Variants in CITED2 observed in about 807,000 individuals in gnomAD.
The protein encoded by CITED2 is cbp/p300-interacting transactivator 2.
CITED2 carries 2 observed loss-of-function variants against 11.8 expected under a neutral mutation model. The observed-to-expected ratio is 0.17, with a 90% CI of 0.07 to 0.54. The LOEUF (loss-of-function observed/expected upper bound fraction) is 0.54. Ranked by LOEUF, CITED2 falls within the 20% of genes least tolerant of loss-of-function variation. The probability of loss-of-function intolerance (pLI) is 0.94; values close to 1 mark genes in which losing one functional copy is unlikely to be tolerated. For synonymous variants in CITED2, 210 were observed against 153.0 expected (o/e 1.37, Z -2.75); for missense variants, 437 against 390.2 (o/e 1.12, Z -1.01).
At position 139,373,485 on chromosome 6, in the gene CITED2, G is replaced by C. The variant is rs2114777801; in HGVS notation, c.460C>G (p.Arg154Gly). 6.2e-7 allele frequency: 1 copy of C among 1,606,920 alleles called. No homozygotes were observed. Among genetic ancestry groups the C allele is most frequent in the Non-Finnish European group, 8.5e-7 (1 of 1,175,734 alleles). The change falls in exon 2 of 2, where the codon CGA becomes GGA. Residue 154 changes from arginine to glycine, a missense_variant. Physicochemically the swap from Arg to Gly is moderately radical, Grantham distance 125. This residue lies in a region of CITED2 where 396 missense variants were observed against 325.2 expected (regional missense o/e 1.22). Transcript: ENST00000367651. ...HQMNGTNQHFRDCNPKHSGGS... is the reference protein window; with the variant it reads ...HQMNGTNQHFGDCNPKHSGGS... ...CCGCTGTGCTTGGGGTTGCAATCTC[G>C]GAAGTGCTGGTTTGTCCCGTTCATC...
At chr6:139,373,995 G>A (rs758182985) in intron 1 of CITED2, 43 bp from the exon 2 acceptor site, 2 of 1,563,658 alleles carry the variant, frequency 1.3e-6, no homozygotes, top group Non-Finnish European at 1.7e-6. Context: ...CGCCACACGT[G>A]TCGCCCACCA....
Position 139,373,062 on chromosome 6 carries a change from G to A in CITED2, c.*70C>T. 7.3e-7 allele frequency: 1 copy of A among 1,364,902 alleles called. No homozygotes were observed. Among genetic ancestry groups the A allele is most frequent in the Non-Finnish European group, 1.0e-6 (1 of 954,094 alleles). The allele number at this position is 1,364,902 out of a possible 1,614,324, so 84.5% of individuals were successfully genotyped here. ...CTGAAAAGTGAGATACTGTGTCTAA[G>A]GGAATGTTTCTTTTAATTCACGCCG... On this transcript the variant is annotated 3_prime_UTR_variant, in exon 2 of 2. Transcript: ENST00000367651.
In CITED2 at chr6:139,373,636, C is replaced by A. The variant is rs778074376; in HGVS notation, c.309G>T (p.Val103=). ...CCGGCAGGGAGCCTCCCTGGCTGGC[C>A]ACCGGGGGACCCATGAACTGGGAGT... is the stretch of plus-strand genomic sequence containing the variant. ...FNNSQFMGPP[V]ASQGGSLPAS... is the part of the protein sequence containing the mutation. Residue 103 remains valine, a synonymous_variant, in exon 2 of 2, where the codon GTG becomes GTT. Coordinates refer to ENST00000367651, the MANE Select transcript of CITED2 (RefSeq NM_006079.5). 1 of 1,613,842 alleles carries A rather than the reference C, an allele frequency of 6.2e-7. No individual in the cohort carries two copies.
rs1562314633 is a variant in CITED2 at position 139,373,524 on chromosome 6, C to T, written c.421G>A (p.Ala141Thr). The T allele has an allele frequency of 1.5e-5, 25 of 1,613,806 alleles. No individual in the cohort carries two copies. The highest frequency in any genetic ancestry group is 1.6e-4 in the Middle Eastern group (1 of 6,062). ...GTCCCGTTCATCTGGTGGCCTGCAG[C>T]AGGGTGCAAATCCGGCATGTAGTGG... ...HNHYMPDLHP[A>T]AGHQMNGTNQ... Residue 141 changes from alanine (A) to threonine (T), a missense_variant, in exon 2 of 2, where the codon GCT becomes ACT. By Grantham distance (58) the Ala-to-Thr change is moderately conservative. Around this residue, in one of 3 missense-constraint regions of CITED2, gnomAD observed 396 missense variants for 325.2 expected, o/e 1.22. Coordinates refer to ENST00000367651, the MANE Select transcript of CITED2 (RefSeq NM_006079.5).
rs935181271 is a variant in CITED2, at chr6:139,373,380, T to A, written c.565A>T (p.Ser189Cys). Residue 189 changes from serine (S) to cysteine (C), a missense_variant, in exon 2 of 2, where the codon AGC becomes TGC. This residue lies in a region of CITED2 where 396 missense variants were observed against 325.2 expected (regional missense o/e 1.22). Coordinates refer to ENST00000367651, the MANE Select transcript of CITED2 (RefSeq NM_006079.5). ...SGSSSGGGAGSSNSGGGSGSG... is the reference protein window; with the variant it reads ...SGSSSGGGAGCSNSGGGSGSG... The stretch of plus-strand genomic sequence containing the variant: ...CCGCTGCCGCCGCCGCTGTTGCTGC[T>A]GCCCGCGCCGCCGCCCGAGCTGCTG... 6.3e-7 allele frequency: 1 copy of A among 1,578,238 alleles called. No homozygotes were observed. The highest frequency in any genetic ancestry group is 8.6e-7 in the Non-Finnish European group (1 of 1,164,538).
rs749688747 is a variant in CITED2, at chr6:139,373,344, T to TGTTGCC, written c.595_600dup (p.Gly199_Asn200dup). 1.1e-5 allele frequency: 17 copies of TGTTGCC among 1,598,892 alleles called. No individual in the cohort carries two copies. The Admixed American group carries it at 1.4e-4, about 13-fold the overall frequency. ...GGGACGTGGGCCACGGAGGCGGGCA[T>TGTTGCC]GTTGCCGCTGCCGCTGCCGCCGCCG... On this transcript the variant is annotated inframe_insertion, in exon 2 of 2. Transcript: ENST00000367651.
Position 139,373,841 on chromosome 6 carries a change from C to G in CITED2, c.104G>C (p.Ser35Thr), listed in dbSNP as rs1778316080. 4 of 1,605,880 alleles carry G rather than the reference C, an allele frequency of 2.5e-6. No individual in the cohort carries two copies. The highest frequency in any genetic ancestry group is 3.4e-6 in the Non-Finnish European group (4 of 1,179,964). ...CTGCTGCTGCTGGTGGTGATGGGGGCTCGGGAACTGCCCCATGCCCATGCG... is the reference window on the plus strand; with the variant it reads ...CTGCTGCTGCTGGTGGTGATGGGGGGTCGGGAACTGCCCCATGCCCATGCG... ...AHRMGMGQFP[S>T]PHHHQQQQPQ... is the part of the protein sequence containing the mutation. The change falls in exon 2 of 2, where the codon AGC becomes ACC. Residue 35 changes from serine to threonine, a missense_variant. Physicochemically the swap from Ser to Thr is moderately conservative, Grantham distance 58 (BLOSUM62 1). Transcript: ENST00000367651.
rs1778280816 is a variant in CITED2, at chr6:139,372,968, T to A, written c.*164A>T. Reference sequence around the variant, plus strand: ...AAACAGGAAAAAAAAGTGGCAGCAATTTTTTTTAAAACCAATTTGTACAAG... The same window carrying A: ...AAACAGGAAAAAAAAGTGGCAGCAAATTTTTTTAAAACCAATTTGTACAAG... On this transcript the variant is annotated 3_prime_UTR_variant, in exon 2 of 2. Transcript: ENST00000367651. The A allele has an allele frequency of 2.7e-6, 2 of 746,892 alleles. No individual in the cohort carries two copies. Among genetic ancestry groups the A allele is most frequent in the Non-Finnish European group, 4.5e-6 (2 of 445,458 alleles). 46.3% of individuals were successfully genotyped at this position (746,892 alleles called of 1,614,324 possible).
In CITED2 at chr6:139,374,011, C is replaced by A. The variant is rs1778323864; in HGVS notation, c.-8-59G>T. Reference sequence around the variant, plus strand: ...GCCACACGTGTCGCCCACCACAGCGCACCCCACTTTTGCTCGCCTCTGCCC... The same window carrying A: ...GCCACACGTGTCGCCCACCACAGCGAACCCCACTTTTGCTCGCCTCTGCCC... On this transcript the variant is annotated intron_variant, in intron 1 of 1. Transcript: ENST00000367651. The A allele has an allele frequency of 2.6e-6, 4 of 1,542,896 alleles. No individual in the cohort carries two copies. In the South Asian group the frequency reaches 4.7e-5, roughly 18 times the overall value.
In CITED2 at chr6:139,371,979, A is replaced by G. The variant is rs1778249527; in HGVS notation, c.*1153T>C. On this transcript the variant is annotated 3_prime_UTR_variant, in exon 2 of 2. Transcript: ENST00000367651. Reference sequence around the variant, plus strand: ...GCAAACCTTTCTAACTCTGGAGTACACTTGATATGATGGCAATTAAGAAAA... The same window carrying G: ...GCAAACCTTTCTAACTCTGGAGTACGCTTGATATGATGGCAATTAAGAAAA... 6.6e-6 allele frequency: 1 copy of G among 151,850 alleles called. No homozygotes were observed. The highest frequency in any genetic ancestry group is 1.5e-5 in the Non-Finnish European group (1 of 67,978). 9.4% of individuals were successfully genotyped at this position (151,850 alleles called of 1,614,324 possible). A position where few individuals can be genotyped will look rare whatever the true frequency, so the allele number is the denominator to read the frequency against.
rs768526213 is a variant in CITED2, at chr6:139,373,658, G to A, written c.287C>T (p.Ser96Phe). Residue 96 changes from serine to phenylalanine, a missense_variant, in exon 2 of 2, where the codon TCC becomes TTC. Transcript: ENST00000367651. ...GGCCACCGGGGGACCCATGAACTGG[G>A]AGTTGTTAAACCTGGCCGCGGGGGC... ...ALAPAARFNN[S>F]QFMGPPVASQ... is the part of the protein sequence containing the mutation. 1.9e-6 allele frequency: 3 copies of A among 1,613,492 alleles called. No homozygotes were observed. Among genetic ancestry groups the A allele is most frequent in the Admixed American group, 3.3e-5 (2 of 60,016 alleles).
chr6:139,373,414 G>A lies in CITED2; in HGVS notation c.531C>T (p.Gly177=), dbSNP rs552604669. The change falls in exon 2 of 2, where the codon GGC becomes GGT. Residue 177 remains glycine, a synonymous_variant. Coordinates refer to ENST00000367651, the MANE Select transcript of CITED2 (RefSeq NM_006079.5). The part of the protein sequence containing the change: ...PGGSGGSSTP[G]GSGSSSGGGA... The stretch of plus-strand genomic sequence containing the variant: ...CGCCGCCCGAGCTGCTGCCAGAGCC[G>A]CCGGGGGTGCTGCTGCCGCCCGAGC... 7 of 1,539,254 alleles carry A rather than the reference G, an allele frequency of 4.5e-6. No homozygotes were observed. In the African/African-American group the frequency reaches 7.1e-5, roughly 16 times the overall value.
In CITED2 at chr6:139,373,374, T is replaced by C. The variant is rs1323551506; in HGVS notation, c.571A>G (p.Asn191Asp). 6.3e-7 allele frequency: 1 copy of C among 1,587,914 alleles called. No homozygotes were observed. Among genetic ancestry groups the C allele is most frequent in the African/African-American group, 1.4e-5 (1 of 72,728 alleles). ...SSSGGGAGSS[N>D]SGGGSGSGNM... is the part of the protein sequence containing the mutation. ...CCGCTGCCGCTGCCGCCGCCGCTGT[T>C]GCTGCTGCCCGCGCCGCCGCCCGAG... The change falls in exon 2 of 2, where the codon AAC becomes GAC. Residue 191 changes from asparagine to aspartate, a missense_variant. By Grantham distance (23) the Asn-to-Asp change is conservative. Transcript: ENST00000367651.
chr6:139,373,740 T>G lies in CITED2; in HGVS notation c.205A>C (p.Ile69Leu), dbSNP rs768418241. 2 of 1,611,034 alleles carry G rather than the reference T, an allele frequency of 1.2e-6. No individual in the cohort carries two copies. The highest frequency in any genetic ancestry group is 2.2e-5 in the East Asian group (1 of 44,834). ...GAGNMNATSG[I>L]RHAMGPGTVN... ...GTCCCCGGCCCCATCGCATGCCTGA[T>G]GCCGCTCGTGGCATTCATGTTGCCC... Residue 69 changes from isoleucine (I) to leucine (L), a missense_variant, in exon 2 of 2, where the codon ATC becomes CTC. Ile to Leu is a conservative substitution (Grantham distance 5, BLOSUM62 2). Transcript: ENST00000367651.
chr6:139,373,752 C>A lies in CITED2; in HGVS notation c.193G>T (p.Ala65Ser), dbSNP rs773021442. Reference sequence around the variant, plus strand: ...ATCGCATGCCTGATGCCGCTCGTGGCATTCATGTTGCCCGCGCCGTAGTGT... The same window carrying A: ...ATCGCATGCCTGATGCCGCTCGTGGAATTCATGTTGCCCGCGCCGTAGTGT... The part of the protein sequence containing the change: ...HIHYGAGNMN[A>S]TSGIRHAMGP... The change falls in exon 2 of 2, where the codon GCC becomes TCC. Residue 65 changes from alanine (A) to serine (S), a missense_variant. Physicochemically the swap from Ala to Ser is moderately conservative, Grantham distance 99 (BLOSUM62 1). This residue lies in a region of CITED2 where 396 missense variants were observed against 325.2 expected (regional missense o/e 1.22). Transcript: ENST00000367651. 6 of 1,610,022 alleles carry A rather than the reference C, an allele frequency of 3.7e-6. No homozygotes were observed. The highest frequency in any genetic ancestry group is 1.3e-5 in the African/African-American group (1 of 74,566).
Position 139,371,978 on chromosome 6 carries a change from C to T in CITED2, c.*1154G>A, listed in dbSNP as rs150332365. ...TGCAAACCTTTCTAACTCTGGAGTA[C>T]ACTTGATATGATGGCAATTAAGAAA... On this transcript the variant is annotated 3_prime_UTR_variant, in exon 2 of 2. Coordinates refer to ENST00000367651, the MANE Select transcript of CITED2 (RefSeq NM_006079.5). The T allele has an allele frequency of 1.5e-4, 23 of 150,946 alleles. No homozygotes were observed. The East Asian group carries it at 4.5e-3, about 29-fold the overall frequency. 9.4% of individuals were successfully genotyped at this position (150,946 alleles called of 1,614,324 possible). A position where few individuals can be genotyped will look rare whatever the true frequency, so the allele number is the denominator to read the frequency against.
rs890817120 is a variant in CITED2 at position 139,372,752 on chromosome 6, A to G, written c.*380T>C. The G allele has an allele frequency of 1.6e-4, 40 of 255,202 alleles. No individual in the cohort carries two copies. Among genetic ancestry groups the G allele is most frequent in the African/African-American group, 8.5e-4 (39 of 45,660 alleles). 15.8% of individuals were successfully genotyped at this position (255,202 alleles called of 1,614,324 possible). ...TCCTTTCACTCGTAAATCTGAATGCAGTTCAGTCATTTGAAACCATCTACA... is the reference window on the plus strand; with the variant it reads ...TCCTTTCACTCGTAAATCTGAATGCGGTTCAGTCATTTGAAACCATCTACA... On this transcript the variant is annotated 3_prime_UTR_variant, in exon 2 of 2. Transcript: ENST00000367651.
intron 1 of CITED2, 22 bp from the exon 2 acceptor site, chr6:139,373,974 AAT>A: frequency 6.4e-7 from 1 of 1,559,358 alleles, no homozygotes; most frequent in Non-Finnish European, 8.7e-7. Flanking sequence ...AAGGGCAGAT[AAT>A]GAGACCCGCG....
At position 139,373,765 on chromosome 6, in the gene CITED2, C is replaced by G. The variant is rs750979252; in HGVS notation, c.180G>C (p.Ala60=). ...ALMGEHIHYG[A]GNMNATSGIR... The stretch of plus-strand genomic sequence containing the variant: ...TGCCGCTCGTGGCATTCATGTTGCC[C>G]GCGCCGTAGTGTATGTGCTCGCCCA... The change falls in exon 2 of 2, where the codon GCG becomes GCC. Residue 60 remains alanine, a synonymous_variant. Transcript: ENST00000367651. 1 of 1,610,876 alleles carries G rather than the reference C, an allele frequency of 6.2e-7. No individual in the cohort carries two copies. Among genetic ancestry groups the G allele is most frequent in the Non-Finnish European group, 8.5e-7 (1 of 1,179,962 alleles).
Sources: allele counts gnomAD v4.1 joint callset, GRCh38; gene constraint gnomAD v4.1.1; regional missense constraint gnomAD v4.1.1; transcripts MANE v1.5; gene names NCBI Gene and HGNC (gene_info 2026-07-23, HGNC 2026-07-21).